Variants in INTS13 observed in about 807,000 individuals in gnomAD.
The protein encoded by INTS13 is integrator complex subunit 13.
INTS13 carries 35 observed loss-of-function variants against 90.2 expected under a neutral mutation model. That is an observed-to-expected ratio of 0.39 (90% CI 0.30 to 0.51). The LOEUF (loss-of-function observed/expected upper bound fraction) is 0.51. INTS13 is among the 20% of genes least tolerant of loss of function. The probability of loss-of-function intolerance (pLI) is 0.80; values close to 1 mark genes in which losing one functional copy is unlikely to be tolerated. For synonymous variants in INTS13, 309 were observed against 277.1 expected, an observed-to-expected ratio of 1.11 and a Z score of -1.14; for missense variants, 601 against 851.2, an observed-to-expected ratio of 0.71 and a Z score of 3.66.
chr12:26,932,087 CAAAA>C lies in INTS13; in HGVS notation c.300+2465_300+2468del, dbSNP rs34658630. ...GGGCAACAAGAGTGAAACTCAGTCT[CAAAA>C]AAAAAAAAAAAAAACACTCATAAAC... On this transcript the variant is annotated intron_variant, in intron 3 of 16. Transcript: ENST00000261191. Among the ~76,000 whole-genome samples the C allele has an allele frequency of 5.1e-5, 4 of 78,916 alleles. No homozygotes were observed. The South Asian group carries it at 1.8e-3, about 35-fold the overall frequency. The allele number at this position is 78,916 out of a possible 152,430, so 51.8% of individuals were successfully genotyped here.
intron 1 of INTS13, among the ~76,000 whole-genome samples, chr12:26,937,440 G>C (rs1313152333): frequency 6.6e-6 from 1 of 152,206 alleles, no homozygotes. Context: ...TTACCAGGTA[G>C]AGCAGAAAAA....
At chr12:26,927,051 AC>A (rs1213730759) in intron 5 of INTS13, among the ~76,000 whole-genome samples, 1 of 152,198 alleles carries the variant, frequency 6.6e-6, no homozygotes, top group Non-Finnish European at 1.5e-5. Flanking sequence ...AGGGTGGTAC[AC>A]CCCAACTCCA....
chr12:26,924,550 T>G, intron 6 of INTS13, 67 bp from the exon 7 acceptor site: 1 of 1,476,368 alleles, frequency 6.8e-7, no homozygotes, highest in Non-Finnish European at 9.2e-7. Context: ...CTGCTAAATA[T>G]TTTAGTATAA....
chr12:26,936,254 A>G (rs1030914328), intron 2 of INTS13, among the ~76,000 whole-genome samples: 7 of 152,228 alleles, frequency 4.6e-5, no homozygotes, highest in African/African-American at 1.7e-4. Context: ...TCTGTGTTCT[A>G]TACTGGTTGT....
intron 8 of INTS13, among the ~76,000 whole-genome samples, chr12:26,922,261 A>T (rs1408392051): frequency 6.6e-6 from 1 of 152,222 alleles, no homozygotes; most frequent in African/African-American, 2.4e-5. Context: ...TAGGTATTTT[A>T]TCATCTCACA....
chr12:26,934,710 T>A, intron 2 of INTS13, 80 bp from the exon 3 acceptor site: 1 of 1,011,538 alleles, frequency 9.9e-7, no homozygotes, highest in Non-Finnish European at 1.6e-6. Context: ...AATATGCAAT[T>A]TGTAACACTG....
chr12:26,938,009 A>ACACACACACACG (rs552231888), upstream of INTS13: 126 of 152,588 alleles, frequency 8.3e-4, 1 homozygote, highest in Non-Finnish European at 1.2e-3. Context: ...ACACACACAC[A>ACACACACACACG]CGCACTCGGG....
intron 8 of INTS13, among the ~76,000 whole-genome samples, chr12:26,919,643 T>C (rs1425225120): frequency 6.7e-5 from 10 of 149,934 alleles, no homozygotes; most frequent in African/African-American, 2.4e-4. Context: ...GAAAATGTGA[T>C]GATGGATTAG....
intron 15 of INTS13, 26 bp from the exon 16 acceptor site, chr12:26,906,463 G>C (rs376983646): frequency 6.4e-7 from 1 of 1,569,682 alleles, no homozygotes; most frequent in South Asian, 1.2e-5. Context: ...AAAGGAGAGA[G>C]AAAAAAAAGA....
intron 8 of INTS13, among the ~76,000 whole-genome samples, chr12:26,919,914 G>A (rs1056067457): frequency 6.6e-6 from 1 of 152,124 alleles, no homozygotes; most frequent in African/African-American, 2.4e-5. Context: ...GGATCACGAG[G>A]TCAGGAGATC....
At chr12:26,936,399 GTTA>G (rs1265873246) in intron 2 of INTS13, among the ~76,000 whole-genome samples, 177 bp downstream of exon 2, 41 of 152,284 alleles carry the variant, frequency 2.7e-4, no homozygotes, top group African/African-American at 9.6e-4. Context: ...ATTGTTAGCT[GTTA>G]TTATTACTGG....
At chr12:26,917,943 G>A (rs1397747708) in intron 8 of INTS13, among the ~76,000 whole-genome samples, 6 of 151,942 alleles carry the variant, frequency 3.9e-5, no homozygotes, top group African/African-American at 1.5e-4. Flanking sequence ...CCAAGATGGC[G>A]AAACCCTGTC....
intron 3 of INTS13, among the ~76,000 whole-genome samples, chr12:26,934,007 G>A (rs1305172046): frequency 1.3e-5 from 2 of 152,168 alleles, no homozygotes; most frequent in Non-Finnish European, 2.9e-5. Flanking sequence ...CAACAATTCT[G>A]ACATATTAAT....
chr12:26,920,184 A>T (rs1471693838), intron 8 of INTS13, among the ~76,000 whole-genome samples: 1 of 151,550 alleles, frequency 6.6e-6, no homozygotes, highest in East Asian at 1.9e-4. Context: ...GTATAAGCCT[A>T]CTCACCAAGA....
At chr12:26,913,898 T>C in intron 13 of INTS13, 76 bp downstream of exon 13, 6 of 1,356,980 alleles carry the variant, frequency 4.4e-6, no homozygotes, top group Non-Finnish European at 6.1e-6. Context: ...AATTTACATA[T>C]GGAATAAGTT....
chr12:26,905,185 G>T lies in INTS13; in HGVS notation c.*312C>A, dbSNP rs1951567898. On this transcript the variant is annotated 3_prime_UTR_variant, in exon 17 of 17. Coordinates refer to ENST00000261191, the MANE Select transcript of INTS13 (RefSeq NM_018164.3). ...TTCTAAAGTAATTCTCCAATGTTTTGCATTTCAAATATTTTAATAGTTTTA... is the reference window on the plus strand; with the variant it reads ...TTCTAAAGTAATTCTCCAATGTTTTTCATTTCAAATATTTTAATAGTTTTA... 4.3e-6 allele frequency: 1 copy of T among 231,438 alleles called. No individual in the cohort carries two copies. Among genetic ancestry groups the T allele is most frequent in the Middle Eastern group, 1.6e-3 (1 of 636 alleles). 14.3% of individuals were successfully genotyped at this position (231,438 alleles called of 1,614,324 possible).
intron 2 of INTS13, 80 bp from the exon 3 acceptor site, chr12:26,934,710 TTGTAACAC>T: frequency 4.0e-6 from 4 of 1,011,538 alleles, no homozygotes; most frequent in Middle Eastern, 2.7e-4. Flanking sequence ...AATATGCAAT[TTGTAACAC>T]TGTTTCACTG....
At chr12:26,930,165 C>G (rs181093856) in intron 3 of INTS13, among the ~76,000 whole-genome samples, 9 of 152,108 alleles carry the variant, frequency 5.9e-5, no homozygotes, top group Admixed American at 3.3e-4. Context: ...AATTAAAGAT[C>G]TAAAAAATGA....
chr12:26,928,354 T>C, intron 4 of INTS13, 69 bp from the exon 5 acceptor site: 1 of 1,207,586 alleles, frequency 8.3e-7, no homozygotes, highest in Non-Finnish European at 1.2e-6. Context: ...AAAACACTCT[T>C]CCGCTTTAAT....
Sources: allele counts gnomAD v4.1 joint callset (sites outside exome capture counted in the v4.1 genomes callset), GRCh38; gene constraint gnomAD v4.1.1; transcripts MANE v1.5; gene names NCBI Gene and HGNC (gene_info 2026-07-23, HGNC 2026-07-21).